PLXDC2: variants seen among roughly 807,000 people sequenced by gnomAD.
The protein encoded by PLXDC2 is plexin domain-containing protein 2.
PLXDC2 carries 40 observed loss-of-function variants against 68.9 expected under a neutral mutation model. That is an observed-to-expected ratio of 0.58 (90% confidence interval 0.45 to 0.76). PLXDC2 has a LOEUF of 0.76. Among genes scored for constraint, PLXDC2 ranks in the 30% least tolerant of loss-of-function variants. The pLI is 0.00. For missense variants in PLXDC2, 644 were observed against 661.9 expected, an observed-to-expected ratio of 0.97 and a Z score of 0.30; for synonymous variants, 243 against 234.2, an observed-to-expected ratio of 1.04 and a Z score of -0.34.
In PLXDC2 at chr10:20,004,141, A is replaced by G. The variant is rs955820166; in HGVS notation, c.324+2155A>G. On this transcript the variant is annotated intron_variant, in intron 2 of 13. Transcript: ENST00000377252. ...CTAGTCCTGCAAATAGTATCAAGGC[A>G]TCATTTTGTTCCCTCACAGTGAGAG... is the stretch of plus-strand genomic sequence containing the variant. Among the ~76,000 whole-genome samples, 6 of 152,340 alleles carry G rather than the reference A, an allele frequency of 3.9e-5. No homozygotes were observed. In the South Asian group the frequency reaches 1.2e-3, roughly 32 times the overall value.
At chr10:20,025,297 A>G (rs576244495) in intron 2 of PLXDC2, among the ~76,000 whole-genome samples, 1 of 143,838 alleles carries the variant, frequency 7.0e-6, no homozygotes, top group African/African-American at 2.6e-5. Flanking sequence ...GAGTTTTGCT[A>G]TTTTTGCCCA....
At chr10:20,267,548 C>G (rs543165266) in intron 13 of PLXDC2, among the ~76,000 whole-genome samples, 1 of 152,260 alleles carries the variant, frequency 6.6e-6, no homozygotes, top group Non-Finnish European at 1.5e-5. Flanking sequence ...TGCTGACTCT[C>G]CCAAGCAGCC....
rs188393741 is a variant in PLXDC2, at chr10:20,004,198, G to A, written c.324+2212G>A. ...TCAAAAGATCTGAAGTATAGGCTGT[G>A]GGAATTCAGTATATTTGAAAAATAC... is the stretch of plus-strand genomic sequence containing the variant. On this transcript the variant is annotated intron_variant, in intron 2 of 13. Transcript: ENST00000377252. 9.3e-4 allele frequency among the ~76,000 whole-genome samples: 142 copies of A among 152,288 alleles called. No homozygotes were observed. The East Asian group carries it at 0.022, about 24-fold the overall frequency.
intron 2 of PLXDC2, among the ~76,000 whole-genome samples, chr10:20,025,036 CAGGT>C: frequency 6.6e-6 from 1 of 152,226 alleles, no homozygotes; most frequent in South Asian, 2.1e-4. Context: ...CATACAAGTG[CAGGT>C]GTCTTTTTGG....
chr10:20,256,453 C>T (rs1835743060), intron 13 of PLXDC2, among the ~76,000 whole-genome samples: 1 of 67,118 alleles, frequency 1.5e-5, no homozygotes, highest in Non-Finnish European at 4.6e-5. Context: ...TTTTTTAACA[C>T]TGAGACTGCA....
intron 9 of PLXDC2, among the ~76,000 whole-genome samples, chr10:20,182,088 T>TGTGC (rs772845157): frequency 0.012 from 1,846 of 151,802 alleles, 45 homozygotes; most frequent in African/African-American, 0.043. Flanking sequence ...TGTGTGTGTG[T>TGTGC]GTGTGTGTGT....
chr10:20,196,815 A>G (rs1216581517), intron 9 of PLXDC2, among the ~76,000 whole-genome samples: 2 of 152,174 alleles, frequency 1.3e-5, no homozygotes, highest in East Asian at 1.9e-4. Context: ...AGTGTTAGTA[A>G]CTTGCACTTT....
At chr10:19,867,761 G>T (rs1486330275) in intron 1 of PLXDC2, among the ~76,000 whole-genome samples, 1 of 152,022 alleles carries the variant, frequency 6.6e-6, no homozygotes, top group Non-Finnish European at 1.5e-5. Context: ...ACCAGTCTCG[G>T]GGTATTCTCA....
At chr10:20,133,465 G>T (rs1833894613) in intron 4 of PLXDC2, among the ~76,000 whole-genome samples, 1 of 152,060 alleles carries the variant, frequency 6.6e-6, no homozygotes, top group Admixed American at 6.5e-5. Context: ...AGTCAACTTG[G>T]CTAGTTATAG....
chr10:19,927,838 G>A (rs1342290002), intron 1 of PLXDC2, among the ~76,000 whole-genome samples: 1 of 151,908 alleles, frequency 6.6e-6, no homozygotes, highest in Non-Finnish European at 1.5e-5. Context: ...TAGCTTTAGG[G>A]GTACAAGTGG....
chr10:19,871,058 G>A (rs935393051), intron 1 of PLXDC2, among the ~76,000 whole-genome samples: 3 of 152,178 alleles, frequency 2.0e-5, no homozygotes, highest in African/African-American at 7.2e-5. Context: ...CTGATTTAAT[G>A]CTTTCTCATC....
chr10:19,929,004 T>G (rs11011684), intron 1 of PLXDC2, among the ~76,000 whole-genome samples: 2 of 151,572 alleles, frequency 1.3e-5, no homozygotes, highest in Admixed American at 6.6e-5. Context: ...ATTCGCCCAC[T>G]TCGGCCTCCC....
chr10:19,938,059 G>A (rs918988762), intron 1 of PLXDC2, among the ~76,000 whole-genome samples: 2 of 152,092 alleles, frequency 1.3e-5, no homozygotes, highest in African/African-American at 4.8e-5. Flanking sequence ...TTTGCTTGGT[G>A]GCATCGCTAG....
At chr10:19,931,325 C>A (rs761171651) in intron 1 of PLXDC2, among the ~76,000 whole-genome samples, 1 of 152,184 alleles carries the variant, frequency 6.6e-6, no homozygotes, top group Non-Finnish European at 1.5e-5. Context: ...TGTGTGGAGG[C>A]GCTGATCTGC....
intron 2 of PLXDC2, among the ~76,000 whole-genome samples, chr10:20,004,560 A>G (rs547235402): frequency 7.2e-5 from 11 of 152,320 alleles, no homozygotes; most frequent in Admixed American, 2.0e-4. Flanking sequence ...ACACATCCCT[A>G]TTCGGCTAAA....
chr10:19,891,824 C>T (rs921498617), intron 1 of PLXDC2, among the ~76,000 whole-genome samples: 1 of 152,148 alleles, frequency 6.6e-6, no homozygotes, highest in African/African-American at 2.4e-5. Context: ...CTCAACAAAG[C>T]CAAAGCCAAA....
intron 4 of PLXDC2, among the ~76,000 whole-genome samples, chr10:20,080,416 T>G (rs1457796674): frequency 6.6e-6 from 1 of 152,068 alleles, no homozygotes; most frequent in Non-Finnish European, 1.5e-5. Context: ...ACCTCAAAAG[T>G]AGGGAAGCCA....
chr10:20,060,299 AG>A (rs35747768), intron 3 of PLXDC2, among the ~76,000 whole-genome samples: 117,530 of 151,968 alleles, frequency 0.77, 45,784 homozygotes, highest in East Asian at 0.9. Flanking sequence ...TGGGACTACA[AG>A]TGTGAGCCAC....
At chr10:20,099,495 T>C (rs879806352) in intron 4 of PLXDC2, among the ~76,000 whole-genome samples, 2 of 152,218 alleles carry the variant, frequency 1.3e-5, no homozygotes, top group Non-Finnish European at 2.9e-5. Context: ...TACTTTCATT[T>C]CCCATCCACT....
Sources: gnomAD v4.1 joint callset for allele counts (sites outside exome capture counted in the v4.1 genomes callset) on GRCh38, gnomAD v4.1.1 for gene constraint, MANE v1.5 for transcripts, NCBI Gene and HGNC (gene_info 2026-07-23, HGNC 2026-07-21) for gene names.